The following COL6A1 variants were observed in gnomAD, a reference collection of about 807,000 sequenced individuals.
The protein encoded by COL6A1 is collagen alpha-1(VI) chain.
In COL6A1, 80 loss-of-function variants were observed where a neutral mutation model predicts 145.6. The observed-to-expected ratio is 0.55, with a 90% CI of 0.46 to 0.66. COL6A1 has a LOEUF of 0.66. COL6A1 is among the 30% of genes least tolerant of loss of function. The pLI is 0.00. For synonymous variants in COL6A1, 638 were observed against 622.8 expected (o/e 1.02, Z -0.36); for missense variants, 1,364 against 1,473.8 (o/e 0.93, Z 1.22).
intron 3 of COL6A1, among the ~76,000 whole-genome samples, chr21:45,984,797 GAGAGACAC>G (rs1311944810): frequency 1.3e-5 from 2 of 151,694 alleles, no homozygotes; most frequent in Admixed American, 6.6e-5. Context: ...GAGACACAGA[GAGAGACAC>G]AGAGAGACAG....
intron 26 of COL6A1, 101 bp from the exon 27 acceptor site, chr21:45,999,556 G>A (rs2077826245): frequency 3.8e-6 from 5 of 1,311,946 alleles, no homozygotes; most frequent in Admixed American, 3.8e-5. Flanking sequence ...GCAGGGGTGG[G>A]CTTGATGAGG....
At position 45,997,411 on chromosome 21, in the gene COL6A1, C is replaced by G. The variant is rs2077811365; in HGVS notation, c.1399-10C>G. 1.2e-6 allele frequency: 2 copies of G among 1,612,738 alleles called. No homozygotes were observed. Among genetic ancestry groups the G allele is most frequent in the Admixed American group, 3.3e-5 (2 of 59,994 alleles). On this transcript the variant is annotated splice_polypyrimidine_tract_variant and intron_variant, in intron 20 of 34. Transcript: ENST00000361866. Reference sequence around the variant, plus strand: ...CTGTGGTCCAACGTGCCATATCCATCTCTCTACAGGGCGAGGCTGGCCCTA... The same window carrying G: ...CTGTGGTCCAACGTGCCATATCCATGTCTCTACAGGGCGAGGCTGGCCCTA...
rs2077791478 is a variant in COL6A1 at position 45,994,090 on chromosome 21, G to A, written c.1336-77G>A. 9 of 1,427,628 alleles carry A rather than the reference G, an allele frequency of 6.3e-6. No individual in the cohort carries two copies. The South Asian group carries it at 1.1e-4, about 17-fold the overall frequency. 88.4% of individuals were successfully genotyped at this position (1,427,628 alleles called of 1,614,324 possible). A position where few individuals can be genotyped will look rare whatever the true frequency, so the allele number is the denominator to read the frequency against. ...CCAGTGACCACCTGGACAGCATGCT[G>A]TGGCTCCCAGCGTGCCCGGGCAGCC... is the stretch of plus-strand genomic sequence containing the variant. On this transcript the variant is annotated intron_variant, in intron 19 of 34. Transcript: ENST00000361866. This position sits in a 1 kb window ranked among gnomAD's most constrained non-coding sequence, Gnocchi z 6.8.
rs770868685 is a variant in COL6A1, at chr21:45,991,036, G to A, written c.1114G>A (p.Glu372Lys). The change falls in exon 15 of 35, where the codon GAA becomes AAA. Residue 372 changes from glutamate to lysine, a missense_variant. Glu to Lys is a moderately conservative substitution (Grantham distance 56). Coordinates refer to ENST00000361866, the MANE Select transcript of COL6A1 (RefSeq NM_001848.3). Reference sequence around the variant, plus strand: ...CCCCGGTGCCTTTGGACTGAAAGGAGAAAAGGTGAGTGACTTGCGGCCCCT... The same window carrying A: ...CCCCGGTGCCTTTGGACTGAAAGGAAAAAAGGTGAGTGACTTGCGGCCCCT... ...GDPGAFGLKG[E>K]KGEPGADGEA... The A allele has an allele frequency of 6.2e-7, 1 of 1,613,264 alleles. No individual in the cohort carries two copies. The highest frequency in any genetic ancestry group is 8.5e-7 in the Non-Finnish European group (1 of 1,179,870).
chr21:45,999,363 G>GT (rs1416804344), intron 26 of COL6A1, 145 bp downstream of exon 26: 4 of 875,358 alleles, frequency 4.6e-6, no homozygotes, highest in Non-Finnish European at 7.2e-6. Flanking sequence ...GGCCCTGGGG[G>GT]TGGGAGGTGC....
rs1163016399 is a variant in COL6A1, at chr21:46,004,738, A to AC, written c.*729dup. The AC allele has an allele frequency of 2.2e-6, 1 of 445,436 alleles. No individual in the cohort carries two copies. The highest frequency in any genetic ancestry group is 4.5e-6 in the Non-Finnish European group (1 of 220,184). 27.6% of individuals were successfully genotyped at this position (445,436 alleles called of 1,614,324 possible). A position where few individuals can be genotyped will look rare whatever the true frequency, so the allele number is the denominator to read the frequency against. The stretch of plus-strand genomic sequence containing the variant: ...TGGAGGCCGCTGCTGACCAGCACTG[A>AC]CCCCGACCTCAGAGAGTACTCGCAG... On this transcript the variant is annotated 3_prime_UTR_variant, in exon 35 of 35. Coordinates refer to ENST00000361866, the MANE Select transcript of COL6A1 (RefSeq NM_001848.3).
intron 19 of COL6A1, 41 bp downstream of exon 19, chr21:45,992,851 G>A (rs763522854): frequency 9.7e-6 from 15 of 1,548,834 alleles, no homozygotes; most frequent in Non-Finnish European, 1.3e-5. Context: ...CCCCAGGAAG[G>A]GGCAGGCGGA....
chr21:45,985,063 CAGACAG>C (rs893746834), intron 3 of COL6A1, among the ~76,000 whole-genome samples: 26 of 147,396 alleles, frequency 1.8e-4, no homozygotes, highest in South Asian at 1.5e-3. Context: ...CAGTCAGAGA[CAGACAG>C]AGACAGAGAC....
rs2077783535 is a variant in COL6A1, at chr21:45,992,696, G to A, written c.1273-52G>A. 2.8e-5 allele frequency: 43 copies of A among 1,528,412 alleles called. 1 individual carries two copies. The South Asian group carries it at 5.0e-4, about 18-fold the overall frequency. The allele number at this position is 1,528,412 out of a possible 1,614,324, so 94.7% of individuals were successfully genotyped here. A position where few individuals can be genotyped will look rare whatever the true frequency, so the allele number is the denominator to read the frequency against. On this transcript the variant is annotated intron_variant, in intron 18 of 34. Coordinates refer to ENST00000361866, the MANE Select transcript of COL6A1 (RefSeq NM_001848.3). ...CCAGGCCTCAAGCCCCACCCCAGCT[G>A]GGTGTGAGTTCCAGCAGCTGAGGCT... is the stretch of plus-strand genomic sequence containing the variant.
At chr21:45,985,105 CAG>C (rs1218717073) in intron 3 of COL6A1, among the ~76,000 whole-genome samples, 5 of 147,792 alleles carry the variant, frequency 3.4e-5, no homozygotes, top group Non-Finnish European at 7.5e-5. Flanking sequence ...GAGACAGAGA[CAG>C]AGGGGCAGAG....
At position 46,003,650 on chromosome 21, in the gene COL6A1, CTT is replaced by C; in HGVS notation, c.2726_2727del (p.Phe909TyrfsTer71). 6.2e-7 allele frequency: 1 copy of C among 1,613,098 alleles called. No homozygotes were observed. Among genetic ancestry groups the C allele is most frequent in the Non-Finnish European group, 8.5e-7 (1 of 1,179,962 alleles). On this transcript the variant is annotated frameshift_variant, in exon 35 of 35. Transcript: ENST00000361866. LOFTEE classifies it high-confidence loss of function. ...ALASAVDAMD[F>X]INDATDVNDA... Reference sequence around the variant, plus strand: ...TGGCCAGTGCCGTCGATGCCATGGACTTTATCAACGACGCCACCGACGTCAAC... The same window carrying C: ...TGGCCAGTGCCGTCGATGCCATGGACTATCAACGACGCCACCGACGTCAAC...
At position 45,991,503 on chromosome 21, in the gene COL6A1, G is replaced by A. The variant is rs193058297; in HGVS notation, c.1119+462G>A. ...GTGGGCAGCGGGAGGGCGGGAGCAC[G>A]AGGCGGGAGAAGGAGCTTTTTCGTC... is the stretch of plus-strand genomic sequence containing the variant. On this transcript the variant is annotated intron_variant, in intron 15 of 34. Coordinates refer to ENST00000361866, the MANE Select transcript of COL6A1 (RefSeq NM_001848.3). Among the ~76,000 whole-genome samples the A allele has an allele frequency of 1.5e-3, 232 of 152,302 alleles. 1 individual carries two copies. The highest frequency in any genetic ancestry group is 4.0e-3 in the African/African-American group (167 of 41,572).
Position 45,994,189 on chromosome 21 carries a change from A to G in COL6A1, c.1358A>G (p.Asp453Gly), listed in dbSNP as rs2077792170. Residue 453 changes from aspartate (D) to glycine (G), a missense_variant, in exon 20 of 35, where the codon GAT (aspartate) becomes GGT (glycine). Around this residue, in one of 3 missense-constraint regions of COL6A1, gnomAD observed 938 missense variants for 1,003.8 expected, o/e 0.93. Transcript: ENST00000361866. This position sits in a 1 kb window ranked among gnomAD's most constrained non-coding sequence, Gnocchi z 6.8. The stretch of plus-strand genomic sequence containing the variant: ...CAGGGTGAAGCTGGCCCGCAGGGTG[A>G]TCAGGGAAGAGAAGGCCCCGTTGGT... ...GDPGEAGPQG[D>G]QGREGPVGVP... 1 of 1,607,418 alleles carries G rather than the reference A, an allele frequency of 6.2e-7. No homozygotes were observed. Among genetic ancestry groups the G allele is most frequent in the East Asian group, 2.2e-5 (1 of 44,610 alleles).
rs766416007 is a variant in COL6A1, at chr21:46,003,729, G to A, written c.2803G>A (p.Ala935Thr). ...RFYREASSGA[A>T]KKRLLLFSDG... ...CTACCGCGAGGCCTCGTCCGGCGCT[G>A]CCAAGAAGAGGCTGCTGCTCTTCTC... The change falls in exon 35 of 35, where the codon GCC (alanine) becomes ACC (threonine). Residue 935 changes from alanine to threonine, a missense_variant. Around this residue, in one of 3 missense-constraint regions of COL6A1, gnomAD observed 938 missense variants for 1,003.8 expected, o/e 0.93. Coordinates refer to ENST00000361866, the MANE Select transcript of COL6A1 (RefSeq NM_001848.3). The A allele has an allele frequency of 9.3e-6, 15 of 1,612,970 alleles. No homozygotes were observed. In the East Asian group the frequency reaches 2.7e-4, roughly 29 times the overall value.
At position 46,004,390 on chromosome 21, in the gene COL6A1, C is replaced by T. The variant is rs112513919; in HGVS notation, c.*377C>T. Reference sequence around the variant, plus strand: ...TGCCCTGCCCTCCTGCCCGCCCTCCCTCCTGCCTGCGCAGCTCCTTCCCTA... The same window carrying T: ...TGCCCTGCCCTCCTGCCCGCCCTCCTTCCTGCCTGCGCAGCTCCTTCCCTA... On this transcript the variant is annotated 3_prime_UTR_variant, in exon 35 of 35. Transcript: ENST00000361866. 67 of 371,286 alleles carry T rather than the reference C, an allele frequency of 1.8e-4. No homozygotes were observed. Among genetic ancestry groups the T allele is most frequent in the African/African-American group, 1.4e-3 (65 of 48,036 alleles). 23.0% of individuals were successfully genotyped at this position (371,286 alleles called of 1,614,324 possible). A position where few individuals can be genotyped will look rare whatever the true frequency, so the allele number is the denominator to read the frequency against.
chr21:46,002,157 GT>G, intron 31 of COL6A1, 60 bp from the exon 32 acceptor site: 2 of 1,574,596 alleles, frequency 1.3e-6, no homozygotes, highest in Non-Finnish European at 8.6e-7. Context: ...CTGATCCCAG[GT>G]GGGCTCGGCC....
rs1569517709 is a variant in COL6A1 at position 45,984,374 on chromosome 21, C to T, written c.333C>T (p.Asp111=). Residue 111 remains aspartate (D), a synonymous_variant, in exon 3 of 35, where the codon GAC becomes GAT. Coordinates refer to ENST00000361866, the MANE Select transcript of COL6A1 (RefSeq NM_001848.3). The part of the protein sequence containing the change: ...QGLTRMPGGR[D]ALKSSVDAVK... ...TCACGCGCATGCCTGGCGGCCGCGA[C>T]GCACTCAAAAGCAGCGTGGACGCGG... 6 of 1,612,728 alleles carry T rather than the reference C, an allele frequency of 3.7e-6. No individual in the cohort carries two copies. Among genetic ancestry groups the T allele is most frequent in the Non-Finnish European group, 5.1e-6 (6 of 1,179,928 alleles).
intron 2 of COL6A1, among the ~76,000 whole-genome samples, chr21:45,983,395 AG>A (rs60415667): frequency 7.0e-5 from 9 of 129,428 alleles, no homozygotes; most frequent in South Asian, 5.4e-4. Context: ...AGGGCCGCTG[AG>A]GGGGGGGCAT....
rs770958800 is a variant in COL6A1 at position 45,992,166 on chromosome 21, C to T, written c.1185C>T (p.Gly395=). The T allele has an allele frequency of 1.2e-6, 2 of 1,613,678 alleles. No homozygotes were observed. Among genetic ancestry groups the T allele is most frequent in the Non-Finnish European group, 1.7e-6 (2 of 1,180,002 alleles). The change falls in exon 17 of 35, where the codon GGC becomes GGT. Residue 395 remains glycine (G), a splice_region_variant and synonymous_variant. Coordinates refer to ENST00000361866, the MANE Select transcript of COL6A1 (RefSeq NM_001848.3). ...CATTCAACCCTTGTTCCCCACAGGG[C>T]CAGCCGGGAGAGCCTGGGCCCCCCG... ...PGSSGPSGDE[G]QPGEPGPPGE...
Sources: gnomAD v4.1 joint callset for allele counts (sites outside exome capture counted in the v4.1 genomes callset) on GRCh38, gnomAD v4.1.1 for gene constraint, gnomAD v4.1.1 regional missense constraint, Gnocchi (gnomAD v3.1) non-coding constraint, MANE v1.5 for transcripts, NCBI Gene and HGNC (gene_info 2026-07-23, HGNC 2026-07-21) for gene names.